DNTT: variants seen among roughly 807,000 people sequenced by gnomAD.
DNTT encodes the protein nucleosidetriphosphate:DNA deoxynucleotidylexotransferase.
In DNTT, 47 loss-of-function variants were observed where a neutral mutation model predicts 60.9. The ratio of observed to expected loss-of-function variants is 0.77; its 90% CI spans 0.61 to 0.98. The LOEUF is 0.98. Among genes scored for constraint, DNTT ranks in the 50% least tolerant of loss-of-function variants. DNTT has a pLI of 0.00. For synonymous variants in DNTT, 224 were observed against 221.2 expected, an observed-to-expected ratio of 1.01 and a Z score of -0.11; for missense variants, 665 against 627.5, an observed-to-expected ratio of 1.06 and a Z score of -0.64.
chr10:96,335,866 T>C, intron 9 of DNTT, 25 bp from the exon 10 acceptor site: 2 of 1,611,632 alleles, frequency 1.2e-6, no homozygotes, highest in Non-Finnish European at 1.7e-6. Context: ...GTGTTAATAA[T>C]TTATTTTAAC....
In DNTT at chr10:96,327,455, A is replaced by G. The variant is rs1300876032; in HGVS notation, c.875-13A>G. 1 of 1,614,044 alleles carries G rather than the reference A, an allele frequency of 6.2e-7. No individual in the cohort carries two copies. The highest frequency in any genetic ancestry group is 1.1e-5 in the South Asian group (1 of 91,070). ...TGTCACTCTCTCCATTGACCTGTCA[A>G]ATGGCCTCTCAGGATTTCTGTATTA... On this transcript the variant is annotated splice_polypyrimidine_tract_variant and intron_variant, in intron 6 of 10. Coordinates refer to ENST00000371174, the MANE Select transcript of DNTT (RefSeq NM_004088.4).
At position 96,314,411 on chromosome 10, in the gene DNTT, T is replaced by TTTTTTTTTTTTTTTTTTTC. The variant is rs1844759674; in HGVS notation, c.204-3923_204-3922insCTTTTTTTTTTTTTTTTTT. On this transcript the variant is annotated intron_variant, in intron 1 of 10. Coordinates refer to ENST00000371174, the MANE Select transcript of DNTT (RefSeq NM_004088.4). ...CAAGGCTATCTCTTCCCTTTTTTTTTTTTTTTTTTTTTTTTTTTTGAGATG... is the reference window on the plus strand; with the variant it reads ...CAAGGCTATCTCTTCCCTTTTTTTTTTTTTTTTTTTTTTTTTTTCTTTTTTTTTTTTTTTTTTTGAGATG... 2.3e-5 allele frequency among the ~76,000 whole-genome samples: 2 copies of TTTTTTTTTTTTTTTTTTTC among 85,520 alleles called. 1 individual carries two copies. Among genetic ancestry groups the TTTTTTTTTTTTTTTTTTTC allele is most frequent in the Non-Finnish European group, 4.1e-5 (2 of 48,396 alleles). The allele number at this position is 85,520 out of a possible 152,430, so 56.1% of individuals were successfully genotyped here.
Position 96,338,488 on chromosome 10 carries a change from G to A in DNTT, c.*264G>A. ...ATGTTGTCACTGGTGGCTCATTCAGGGAAGCTCATCAAAGCCCACTTTGTT... is the reference window on the plus strand; with the variant it reads ...ATGTTGTCACTGGTGGCTCATTCAGAGAAGCTCATCAAAGCCCACTTTGTT... On this transcript the variant is annotated 3_prime_UTR_variant, in exon 11 of 11. Transcript: ENST00000371174. The A allele has an allele frequency of 3.5e-6, 1 of 283,966 alleles. No individual in the cohort carries two copies. The highest frequency in any genetic ancestry group is 6.6e-6 in the Non-Finnish European group (1 of 151,982). 17.6% of individuals were successfully genotyped at this position (283,966 alleles called of 1,614,324 possible). A position where few individuals can be genotyped will look rare whatever the true frequency, so the allele number is the denominator to read the frequency against.
chr10:96,317,888 T>C (rs1844807171), intron 1 of DNTT, among the ~76,000 whole-genome samples: 1 of 152,238 alleles, frequency 6.6e-6, no homozygotes, highest in Non-Finnish European at 1.5e-5. Context: ...CATGTAAGCA[T>C]AGCTACATCT....
In DNTT at chr10:96,318,532, T is replaced by C. The variant is rs759439594; in HGVS notation, c.378+6T>C. 2.5e-6 allele frequency: 4 copies of C among 1,611,888 alleles called. No homozygotes were observed. Among genetic ancestry groups the C allele is most frequent in the Non-Finnish European group, 3.4e-6 (4 of 1,178,818 alleles). On this transcript the variant is annotated splice_donor_region_variant and intron_variant, in intron 2 of 10. Transcript: ENST00000371174. ...CAGGAAAACACCAGCTTGTTGTAAG[T>C]GTCATGGGTGTGATTTTCACTGTTC...
intron 4 of DNTT, among the ~76,000 whole-genome samples, chr10:96,321,612 G>A (rs1240942671): frequency 6.6e-6 from 1 of 152,130 alleles, no homozygotes; most frequent in African/African-American, 2.4e-5. Flanking sequence ...TTGGGAAATT[G>A]CCTCTCCCTG....
chr10:96,311,477 G>A (rs1045731829), intron 1 of DNTT, among the ~76,000 whole-genome samples: 9 of 152,314 alleles, frequency 5.9e-5, no homozygotes, highest in Middle Eastern at 3.4e-3. Context: ...AGAAAGACAG[G>A]AAGAACAGGG....
intron 1 of DNTT, among the ~76,000 whole-genome samples, chr10:96,312,885 T>TATTC (rs1236675793): frequency 2.6e-5 from 4 of 152,176 alleles, no homozygotes; most frequent in South Asian, 2.1e-4. Flanking sequence ...CCTTTAGAGC[T>TATTC]ATTCATTCAT....
rs1215005815 is a variant in DNTT, at chr10:96,313,912, C to T, written c.204-4440C>T. On this transcript the variant is annotated intron_variant, in intron 1 of 10. Transcript: ENST00000371174. ...ATTTGGACGATGAGTCCAGGGCTCC[C>T]CCTTGACACGTCCATCTCCCTCAGA... Among the ~76,000 whole-genome samples the T allele has an allele frequency of 2.6e-5, 4 of 152,226 alleles. No individual in the cohort carries two copies. In the South Asian group the frequency reaches 6.2e-4, roughly 24 times the overall value.
intron 10 of DNTT, among the ~76,000 whole-genome samples, chr10:96,337,396 T>A (rs1224218871): frequency 2.0e-5 from 3 of 152,122 alleles, no homozygotes; most frequent in Non-Finnish European, 4.4e-5. Context: ...AGAGGAGTGG[T>A]TTCCCATAGA....
chr10:96,326,828 C>T (rs1389526506), intron 6 of DNTT, among the ~76,000 whole-genome samples: 1 of 152,182 alleles, frequency 6.6e-6, no homozygotes, highest in Admixed American at 6.5e-5. Context: ...AGGCTCATCT[C>T]CTCACCAATA....
chr10:96,326,968 C>T (rs1481929474), intron 6 of DNTT, among the ~76,000 whole-genome samples: 2 of 152,192 alleles, frequency 1.3e-5, no homozygotes, highest in Admixed American at 1.3e-4. Flanking sequence ...TTCATTAATT[C>T]ATGCTGGTCA....
intron 1 of DNTT, among the ~76,000 whole-genome samples, chr10:96,316,192 A>C (rs937724286): frequency 7.2e-5 from 11 of 152,318 alleles, no homozygotes; most frequent in African/African-American, 2.6e-4. Flanking sequence ...CAAAAGTGCC[A>C]TTACTTTACT....
At chr10:96,320,560 G>T in intron 3 of DNTT, 58 bp from the exon 4 acceptor site, 1 of 1,588,850 alleles carries the variant, frequency 6.3e-7, no homozygotes, top group South Asian at 1.2e-5. Flanking sequence ...GTTTGTGAGT[G>T]ACCACTGGCT....
intron 10 of DNTT, among the ~76,000 whole-genome samples, chr10:96,336,481 T>C (rs1845071187): frequency 6.6e-6 from 1 of 152,232 alleles, no homozygotes; most frequent in South Asian, 2.1e-4. Flanking sequence ...GGTGTGCTAG[T>C]CTTACTGTGG....
In DNTT at chr10:96,320,764, G is replaced by A. The variant is rs1844859471; in HGVS notation, c.654G>A (p.Gly218=). 1 of 1,613,706 alleles carries A rather than the reference G, an allele frequency of 6.2e-7. No homozygotes were observed. Among genetic ancestry groups the A allele is most frequent in the Non-Finnish European group, 8.5e-7 (1 of 1,179,712 alleles). ...MKDTEGIPCL[G]SKVKGIIEEI... ...ACACAGAAGGAATTCCCTGCCTGGGGTCCAAGGTGAAGGGTATCATAGAGG... is the reference window on the plus strand; with the variant it reads ...ACACAGAAGGAATTCCCTGCCTGGGATCCAAGGTGAAGGGTATCATAGAGG... Residue 218 remains glycine (G), a synonymous_variant, in exon 4 of 11, where the codon GGG becomes GGA. Coordinates refer to ENST00000371174, the MANE Select transcript of DNTT (RefSeq NM_004088.4).
chr10:96,327,116 C>A (rs1844945810), intron 6 of DNTT, among the ~76,000 whole-genome samples: 1 of 152,200 alleles, frequency 6.6e-6, no homozygotes, highest in African/African-American at 2.4e-5. Flanking sequence ...CATCCCAAAT[C>A]TTTATGCGTT....
At chr10:96,324,516 T>A in intron 6 of DNTT, 127 bp downstream of exon 6, 3 of 1,395,132 alleles carry the variant, frequency 2.2e-6, no homozygotes, top group African/African-American at 1.4e-5. Context: ...CATTGATGCT[T>A]GGATCTAAAT....
rs767443116 is a variant in DNTT at position 96,319,267 on chromosome 10, A to G, written c.384A>G (p.Arg128=). Residue 128 remains arginine, a synonymous_variant, in exon 3 of 11, where the codon AGA becomes AGG. Transcript: ENST00000371174. ...EMTGKHQLVV[R]RDYSDSTNPG... The stretch of plus-strand genomic sequence containing the variant: ...ATGCTTATGCATTTGTTTAGGTGAG[A>G]AGAGACTATTCAGATAGCACCAACC... 1.2e-6 allele frequency: 2 copies of G among 1,613,612 alleles called. No individual in the cohort carries two copies. The highest frequency in any genetic ancestry group is 1.1e-5 in the South Asian group (1 of 90,982).
Sources: gnomAD v4.1 joint callset for allele counts (sites outside exome capture counted in the v4.1 genomes callset) on GRCh38, gnomAD v4.1.1 for gene constraint, MANE v1.5 for transcripts, NCBI Gene and HGNC (gene_info 2026-07-23, HGNC 2026-07-21) for gene names.